FHIT: variants seen among roughly 807,000 people sequenced by gnomAD.
FHIT encodes the protein bis(5'-adenosyl)-triphosphatase.
Under a neutral mutation model 17.9 loss-of-function variants are expected in FHIT, and 19 were observed. The ratio of observed to expected loss-of-function variants is 1.06; its 90% confidence interval spans 0.74 to 1.56. The LOEUF (loss-of-function observed/expected upper bound fraction) is 1.56. Ranked by LOEUF, FHIT falls within the 40% of genes most tolerant of loss-of-function variation. The pLI is 0.00. For missense variants in FHIT, 248 were observed against 189.2 expected, an observed-to-expected ratio of 1.31 and a Z score of -1.82; for synonymous variants, 81 against 69.7, an observed-to-expected ratio of 1.16 and a Z score of -0.81.
intron 8 of FHIT, among the ~76,000 whole-genome samples, chr3:59,857,189 G>T (rs1198254543): frequency 1.3e-5 from 2 of 152,168 alleles, no homozygotes; most frequent in African/African-American, 2.4e-5. Flanking sequence ...GTTGGGGTTT[G>T]ATTTGTGACA....
intron 5 of FHIT, among the ~76,000 whole-genome samples, chr3:60,202,785 G>A (rs1406078912): frequency 6.6e-6 from 1 of 152,040 alleles, no homozygotes; most frequent in Non-Finnish European, 1.5e-5. Context: ...TTTTATGTAT[G>A]CTCTGTCTTC....
At chr3:60,015,124 A>T (rs1196626428) in intron 5 of FHIT, among the ~76,000 whole-genome samples, 1 of 152,062 alleles carries the variant, frequency 6.6e-6, no homozygotes, top group African/African-American at 2.4e-5. Context: ...TTGTTTTAAG[A>T]CAGCATGCTC....
intron 3 of FHIT, among the ~76,000 whole-genome samples, chr3:60,841,469 TC>T (rs569713598): frequency 1.3e-5 from 2 of 152,302 alleles, no homozygotes; most frequent in East Asian, 3.9e-4. Flanking sequence ...AAACTTAAAT[TC>T]CCAGAAAGAG....
intron 8 of FHIT, among the ~76,000 whole-genome samples, chr3:59,811,929 G>A (rs1700420424): frequency 6.6e-6 from 1 of 152,204 alleles, no homozygotes; most frequent in Non-Finnish European, 1.5e-5. Flanking sequence ...AGGCCCAGCT[G>A]AATAGGAAGC....
At chr3:60,341,890 G>C (rs1043633047) in intron 5 of FHIT, among the ~76,000 whole-genome samples, 2 of 152,154 alleles carry the variant, frequency 1.3e-5, no homozygotes, top group Non-Finnish European at 2.9e-5. Context: ...GCAGAATTTT[G>C]TTCCTTAGTT....
At chr3:61,249,221 T>A (rs1158012538) in intron 1 of FHIT, among the ~76,000 whole-genome samples, 1 of 152,220 alleles carries the variant, frequency 6.6e-6, no homozygotes, top group Non-Finnish European at 1.5e-5. Flanking sequence ...GAAAATAAGA[T>A]GCTTGGTTCT....
intron 4 of FHIT, among the ~76,000 whole-genome samples, chr3:60,735,865 T>C (rs140639083): frequency 7.2e-4 from 109 of 152,378 alleles, no homozygotes; most frequent in African/African-American, 2.4e-3. Context: ...TCAATGTCTA[T>C]GCTTTTGCAT....
At chr3:60,173,898 TATATATATATATA>T (rs1701533776) in intron 5 of FHIT, among the ~76,000 whole-genome samples, 2 of 74,794 alleles carry the variant, frequency 2.7e-5, no homozygotes, top group East Asian at 6.9e-4. Flanking sequence ...TATATATATA[TATATATATATATA>T]TATATGTTTT....
intron 5 of FHIT, among the ~76,000 whole-genome samples, chr3:60,124,758 C>T (rs948851156): frequency 3.3e-5 from 5 of 152,130 alleles, no homozygotes; most frequent in African/African-American, 1.2e-4. Context: ...TTATTGACAA[C>T]AAAAATACCC....
At chr3:60,468,265 T>C (rs1039939242) in intron 5 of FHIT, among the ~76,000 whole-genome samples, 2 of 152,112 alleles carry the variant, frequency 1.3e-5, no homozygotes, top group Non-Finnish European at 2.9e-5. Context: ...CTCTACATCT[T>C]TCGATTAGAG....
chr3:61,106,873 C>A (rs908985493), intron 2 of FHIT, among the ~76,000 whole-genome samples: 2 of 152,110 alleles, frequency 1.3e-5, no homozygotes, highest in African/African-American at 4.8e-5. Context: ...ATCGGACAGG[C>A]TGGTCTCAAA....
chr3:59,923,884 A>G (rs1409671119), intron 7 of FHIT, among the ~76,000 whole-genome samples: 1 of 152,188 alleles, frequency 6.6e-6, no homozygotes, highest in African/African-American at 2.4e-5. Flanking sequence ...TGAAGCAGAG[A>G]GGAGCTTCAA....
chr3:61,076,916 T>C (rs1163607964), intron 2 of FHIT, among the ~76,000 whole-genome samples: 3 of 152,186 alleles, frequency 2.0e-5, no homozygotes, highest in East Asian at 1.9e-4. Flanking sequence ...AACAAGTTTA[T>C]TATGCACATA....
At chr3:60,366,528 A>G (rs1231613620) in intron 5 of FHIT, among the ~76,000 whole-genome samples, 2 of 152,190 alleles carry the variant, frequency 1.3e-5, no homozygotes, top group Non-Finnish European at 1.5e-5. Context: ...GGGACCTCTA[A>G]CAGTGATTAG....
intron 4 of FHIT, among the ~76,000 whole-genome samples, chr3:60,643,984 G>A (rs1252971777): frequency 6.6e-6 from 1 of 152,164 alleles, no homozygotes; most frequent in Admixed American, 6.5e-5. Flanking sequence ...ATATGTTTGG[G>A]CAATGCCACT....
At chr3:61,154,822 T>C (rs1315684340) in intron 2 of FHIT, among the ~76,000 whole-genome samples, 1 of 152,228 alleles carries the variant, frequency 6.6e-6, no homozygotes, top group African/African-American at 2.4e-5. Context: ...CACTGCCTCC[T>C]CCCTGTTCTT....
intron 3 of FHIT, among the ~76,000 whole-genome samples, chr3:60,993,052 G>A (rs1287751243): frequency 6.6e-6 from 1 of 152,068 alleles, no homozygotes; most frequent in African/African-American, 2.4e-5. Flanking sequence ...ATGTGCCCAG[G>A]GCAGATTTTT....
chr3:60,843,781 T>C (rs1444200449), intron 3 of FHIT, among the ~76,000 whole-genome samples: 7 of 152,204 alleles, frequency 4.6e-5, no homozygotes, highest in African/African-American at 1.7e-4. Context: ...GAGCACACCA[T>C]GATAAGCAGG....
chr3:60,672,511 T>C (rs2040529716), intron 4 of FHIT, among the ~76,000 whole-genome samples: 1 of 152,142 alleles, frequency 6.6e-6, no homozygotes, highest in South Asian at 2.1e-4. Flanking sequence ...TTTACACTTC[T>C]TTTGTGATGG....
Sources: allele counts gnomAD v4.1 joint callset (sites outside exome capture counted in the v4.1 genomes callset), GRCh38; gene constraint gnomAD v4.1.1; transcripts MANE v1.5; gene names NCBI Gene and HGNC (gene_info 2026-07-23, HGNC 2026-07-21).